Variants in SLC45A3 observed in about 807,000 individuals in gnomAD.
The protein encoded by SLC45A3 is solute carrier family 45 member 3, also known as prostate cancer associated protein 2.
SLC45A3 carries 17 observed loss-of-function variants against 35.3 expected under a neutral mutation model. The observed-to-expected ratio is 0.48, with a 90% CI of 0.33 to 0.72. The LOEUF (loss-of-function observed/expected upper bound fraction) is 0.72, where lower values mean the gene tolerates loss of function less well. SLC45A3 is among the 30% of genes least tolerant of loss of function. The probability of loss-of-function intolerance (pLI) is 0.02; values close to 1 mark genes in which losing one functional copy is unlikely to be tolerated. For synonymous variants in SLC45A3, 288 were observed against 334.3 expected (o/e 0.86, Z 1.51); for missense variants, 597 against 731.7 (o/e 0.82, Z 2.12).
At chr1:205,668,088 C>T (rs543956719) in intron 1 of SLC45A3, among the ~76,000 whole-genome samples, 1 of 152,208 alleles carries the variant, frequency 6.6e-6, no homozygotes, top group East Asian at 1.9e-4. Flanking sequence ...CTACTCTGCC[C>T]AGCGGGTCCA....
rs569767191 is a variant in SLC45A3 at position 205,658,980 on chromosome 1, T to A, written c.*254A>T. On this transcript the variant is annotated 3_prime_UTR_variant, in exon 5 of 5. Coordinates refer to ENST00000367145, the MANE Select transcript of SLC45A3 (RefSeq NM_033102.3). ...GCATGGAGCCCTTCTGGCCTCCCTG[T>A]ATAAGTCCAGACTGAAACCCCCTTG... The A allele has an allele frequency of 6.0e-6, 3 of 503,462 alleles. No individual in the cohort carries two copies. The South Asian group carries it at 7.7e-5, about 13-fold the overall frequency. 31.2% of individuals were successfully genotyped at this position (503,462 alleles called of 1,614,324 possible). A position where few individuals can be genotyped will look rare whatever the true frequency, so the allele number is the denominator to read the frequency against.
Position 205,666,389 on chromosome 1 carries a change from T to G in SLC45A3, c.-230-1503A>C, listed in dbSNP as rs1035175968. Reference sequence around the variant, plus strand: ...CAGGCGTGGTAGTATGCACCTGTGGTCCCAGCTACTTAAGAGGCTGAGATG... The same window carrying G: ...CAGGCGTGGTAGTATGCACCTGTGGGCCCAGCTACTTAAGAGGCTGAGATG... On this transcript the variant is annotated intron_variant, in intron 1 of 4. Coordinates refer to ENST00000367145, the MANE Select transcript of SLC45A3 (RefSeq NM_033102.3). The surrounding 1 kb of genome is among the most constrained non-coding windows in gnomAD (Gnocchi z 4.1). Among the ~76,000 whole-genome samples the G allele has an allele frequency of 2.0e-5, 3 of 152,112 alleles. No homozygotes were observed. The highest frequency in any genetic ancestry group is 4.4e-5 in the Non-Finnish European group (3 of 68,034).
At chr1:205,678,301 G>C (rs536376819) in intron 1 of SLC45A3, among the ~76,000 whole-genome samples, 52 of 152,312 alleles carry the variant, frequency 3.4e-4, no homozygotes, top group African/African-American at 1.2e-3. Context: ...TGGGCAACAA[G>C]AGTGAAACTT....
chr1:205,663,716 G>T, intron 2 of SLC45A3, 98 bp from the exon 3 acceptor site: 1 of 1,216,314 alleles, frequency 8.2e-7, no homozygotes, highest in Non-Finnish European at 1.1e-6. Context: ...ATAACATTCC[G>T]TACTCGACAC....
chr1:205,677,072 T>C (rs1671325703), intron 1 of SLC45A3, among the ~76,000 whole-genome samples: 1 of 152,170 alleles, frequency 6.6e-6, no homozygotes, highest in African/African-American at 2.4e-5. Context: ...TTCCTAAAAA[T>C]AACAACAAAT....
At chr1:205,668,165 A>G (rs573332602) in intron 1 of SLC45A3, among the ~76,000 whole-genome samples, 10 of 152,044 alleles carry the variant, frequency 6.6e-5, no homozygotes, top group Non-Finnish European at 1.5e-4. Context: ...TTCCAAGCCC[A>G]TAAGCACACA....
intron 1 of SLC45A3, among the ~76,000 whole-genome samples, chr1:205,673,795 G>A (rs950928806): frequency 2.6e-5 from 4 of 152,212 alleles, no homozygotes; most frequent in African/African-American, 9.7e-5. Flanking sequence ...TGGTGAGCAA[G>A]GAAAGGGTAG....
rs1670957735 is a variant in SLC45A3 at position 205,658,180 on chromosome 1, A to AGGGGAAAGTTGGGGGTG, written c.*1053_*1054insCACCCCCAACTTTCCCC. On this transcript the variant is annotated 3_prime_UTR_variant, in exon 5 of 5. Transcript: ENST00000367145. ...TTGGGGGTAGGGGAAAGTTGGGGGT[A>AGGGGAAAGTTGGGGGTG]GGGGAAATTTTGGGCAGTGCCTTCA... 1 of 87,852 alleles carries AGGGGAAAGTTGGGGGTG rather than the reference A, an allele frequency of 1.1e-5. No individual in the cohort carries two copies. Among genetic ancestry groups the AGGGGAAAGTTGGGGGTG allele is most frequent in the African/African-American group, 4.7e-5 (1 of 21,066 alleles). 5.4% of individuals were successfully genotyped at this position (87,852 alleles called of 1,614,324 possible).
At chr1:205,671,261 C>T (rs755257618) in intron 1 of SLC45A3, among the ~76,000 whole-genome samples, 1 of 152,246 alleles carries the variant, frequency 6.6e-6, no homozygotes, top group African/African-American at 2.4e-5. Context: ...TACAGACACA[C>T]ATTCTGACTC....
At chr1:205,661,796 A>T (rs1184524948) in intron 4 of SLC45A3, 65 bp downstream of exon 4, 11 of 1,556,526 alleles carry the variant, frequency 7.1e-6, no homozygotes, top group Non-Finnish European at 8.7e-6. Context: ...GTTCTGAGCT[A>T]GTTGGCCTCC....
Position 205,663,360 on chromosome 1 carries a change from T to A in SLC45A3, c.431A>T (p.Glu144Val). The change falls in exon 3 of 5, where the codon GAG becomes GTG. Residue 144 changes from glutamate to valine, a missense_variant. Physicochemically the swap from Glu to Val is moderately radical, Grantham distance 121. Coordinates refer to ENST00000367145, the MANE Select transcript of SLC45A3 (RefSeq NM_033102.3). ...FCGQVCFTPL[E>V]ALLSDLFRDP... Reference sequence around the variant, plus strand: ...CCGGAAGAGGTCAGAGAGCAGGGCCTCCAGTGGAGTGAAGCACACCTGGCC... The same window carrying A: ...CCGGAAGAGGTCAGAGAGCAGGGCCACCAGTGGAGTGAAGCACACCTGGCC... The A allele has an allele frequency of 6.2e-7, 1 of 1,613,282 alleles. No homozygotes were observed.
chr1:205,661,700 C>G (rs1224714646), intron 4 of SLC45A3, among the ~76,000 whole-genome samples, 161 bp downstream of exon 4: 1 of 152,252 alleles, frequency 6.6e-6, no homozygotes, highest in African/African-American at 2.4e-5. Flanking sequence ...CACTGTTCTG[C>G]AGCCCAAGCC....
At chr1:205,668,995 C>T (rs978858605) in intron 1 of SLC45A3, among the ~76,000 whole-genome samples, 3 of 152,190 alleles carry the variant, frequency 2.0e-5, no homozygotes, top group African/African-American at 7.2e-5. Context: ...TGCCCCTATG[C>T]ATCCCAATAT....
Position 205,663,446 on chromosome 1 carries a change from C to T in SLC45A3, c.345G>A (p.Pro115=), listed in dbSNP as rs768368689. 1.5e-5 allele frequency: 24 copies of T among 1,612,544 alleles called. No individual in the cohort carries two copies. Among genetic ancestry groups the T allele is most frequent in the African/African-American group, 4.0e-5 (3 of 74,910 alleles). The change falls in exon 3 of 5, where the codon CCG becomes CCA. Residue 115 remains proline, a synonymous_variant. Transcript: ENST00000367145. The part of the protein sequence containing the change: ...RAGWLAGLLC[P]DPRPLELALL... Reference sequence around the variant, plus strand: ...GTGCCAGCTCCAGGGGCCTGGGATCCGGGCACAGCAGCCCTGCTAGCCAGC... The same window carrying T: ...GTGCCAGCTCCAGGGGCCTGGGATCTGGGCACAGCAGCCCTGCTAGCCAGC...
intron 1 of SLC45A3, 140 bp from the exon 2 acceptor site, chr1:205,665,026 G>C (rs1015423987): frequency 1.4e-6 from 1 of 709,210 alleles, no homozygotes; most frequent in African/African-American, 1.8e-5. Context: ...ACCCCCTTCT[G>C]CCCAGTCAGG....
rs1466644553 is a variant in SLC45A3, at chr1:205,657,978, C to T, written c.*1256G>A. The T allele has an allele frequency of 7.5e-5, 17 of 225,868 alleles. No homozygotes were observed. In the East Asian group the frequency reaches 1.0e-3, roughly 14 times the overall value. 14.0% of individuals were successfully genotyped at this position (225,868 alleles called of 1,614,324 possible). A position where few individuals can be genotyped will look rare whatever the true frequency, so the allele number is the denominator to read the frequency against. On this transcript the variant is annotated 3_prime_UTR_variant, in exon 5 of 5. Coordinates refer to ENST00000367145, the MANE Select transcript of SLC45A3 (RefSeq NM_033102.3). ...TTATTGCAAACGGCACTTAAACCCC[C>T]CCTGAGAGATAAGACCTCCCTTAGC...
In SLC45A3 at chr1:205,658,833, G is replaced by GTC; in HGVS notation, c.*400_*401insGA. 1 of 258,284 alleles carries GTC rather than the reference G, an allele frequency of 3.9e-6. No individual in the cohort carries two copies. The highest frequency in any genetic ancestry group is 7.6e-6 in the Non-Finnish European group (1 of 132,326). 16.0% of individuals were successfully genotyped at this position (258,284 alleles called of 1,614,324 possible). Reference sequence around the variant, plus strand: ...CTGCAGGTTAAGGGGCTTAGAGATGGGAAACCAGGTGACTGAGTTTATTCA... The same window carrying GTC: ...CTGCAGGTTAAGGGGCTTAGAGATGGTCGAAACCAGGTGACTGAGTTTATTCA... On this transcript the variant is annotated 3_prime_UTR_variant, in exon 5 of 5. Transcript: ENST00000367145.
Position 205,658,128 on chromosome 1 carries a change from A to G in SLC45A3, c.*1106T>C, listed in dbSNP as rs556391731. On this transcript the variant is annotated 3_prime_UTR_variant, in exon 5 of 5. Transcript: ENST00000367145. ...GCTTCTGGTCCTGCAGTAGCTCCAA[A>G]CAGGGTTGTGGAGCTGGTGGGGAAA... 7.8e-4 allele frequency: 155 copies of G among 198,484 alleles called. No individual in the cohort carries two copies. The highest frequency in any genetic ancestry group is 3.9e-3 in the African/African-American group (151 of 39,004). 12.3% of individuals were successfully genotyped at this position (198,484 alleles called of 1,614,324 possible).
chr1:205,662,568 A>C lies in SLC45A3; in HGVS notation c.958+265T>G, dbSNP rs1671046306. The C allele has an allele frequency of 4.5e-6, 6 of 1,324,726 alleles. No individual in the cohort carries two copies. The highest frequency in any genetic ancestry group is 5.6e-4 in the Middle Eastern group (2 of 3,578). 82.1% of individuals were successfully genotyped at this position (1,324,726 alleles called of 1,614,324 possible). A position where few individuals can be genotyped will look rare whatever the true frequency, so the allele number is the denominator to read the frequency against. ...GCCTTAACTCCTCCACTCCCTCTAG[A>C]CTTTGAATAAGCTCCGCCTTTCCTT... On this transcript the variant is annotated intron_variant, in intron 3 of 4. Coordinates refer to ENST00000367145, the MANE Select transcript of SLC45A3 (RefSeq NM_033102.3). The surrounding 1 kb of genome is among the most constrained non-coding windows in gnomAD (Gnocchi z 6.2).
Sources: allele counts gnomAD v4.1 joint callset (sites outside exome capture counted in the v4.1 genomes callset), GRCh38; gene constraint gnomAD v4.1.1; non-coding constraint Gnocchi (gnomAD v3.1); transcripts MANE v1.5; gene names NCBI Gene and HGNC (gene_info 2026-07-23, HGNC 2026-07-21).